NEGR1: variants seen among roughly 807,000 people sequenced by gnomAD.
The protein encoded by NEGR1 is neuronal growth regulator 1.
NEGR1 carries 10 observed loss-of-function variants against 40.9 expected under a neutral mutation model. The observed-to-expected ratio is 0.24, with a 90% CI of 0.15 to 0.42. The LOEUF is 0.42. NEGR1 is among the 10% of genes least tolerant of loss of function. The pLI, the probability that NEGR1 is intolerant of heterozygous loss-of-function variation, is 1.00. For missense variants in NEGR1, 352 were observed against 438.9 expected (o/e 0.80, Z 1.77); for synonymous variants, 185 against 166.8 (o/e 1.11, Z -0.84).
At chr1:71,701,621 A>G (rs1203693952) in intron 3 of NEGR1, among the ~76,000 whole-genome samples, 1 of 151,974 alleles carries the variant, frequency 6.6e-6, no homozygotes, top group Non-Finnish European at 1.5e-5. Context: ...GTCTTTTACC[A>G]TGTAAGGTAA....
intron 1 of NEGR1, among the ~76,000 whole-genome samples, chr1:71,971,072 A>C (rs1646252382): frequency 6.6e-6 from 1 of 152,198 alleles, no homozygotes; most frequent in South Asian, 2.1e-4. Context: ...ATTATAAGAA[A>C]AGGAAAGGGC....
chr1:72,079,847 C>A (rs1167865689), intron 1 of NEGR1, among the ~76,000 whole-genome samples: 3 of 152,026 alleles, frequency 2.0e-5, no homozygotes, highest in Non-Finnish European at 4.4e-5. Flanking sequence ...ATTTTAATTA[C>A]ATTTAATATA....
rs1054366448 is a variant in NEGR1, at chr1:72,198,104, A to G, written c.176+84215T>C. 3.3e-5 allele frequency among the ~76,000 whole-genome samples: 5 copies of G among 151,996 alleles called. No homozygotes were observed. The Admixed American group carries it at 3.3e-4, about 10-fold the overall frequency. On this transcript the variant is annotated intron_variant, in intron 1 of 6. Transcript: ENST00000357731. ...GGAGGCTGCTGGTATTTCCCCAAGT[A>G]GTTTTCTTCCTGTGGAACTGAAAAG...
At chr1:72,090,759 C>T (rs1003588734) in intron 1 of NEGR1, among the ~76,000 whole-genome samples, 9 of 152,102 alleles carry the variant, frequency 5.9e-5, no homozygotes, top group Non-Finnish European at 1.3e-4. Context: ...ATTTGGGACA[C>T]CTGCCTGCTT....
At chr1:71,813,695 A>G (rs1375664599) in intron 2 of NEGR1, among the ~76,000 whole-genome samples, 1 of 152,086 alleles carries the variant, frequency 6.6e-6, no homozygotes, top group Non-Finnish European at 1.5e-5. Context: ...CTTTGCAGCA[A>G]TTGTGAATGG....
chr1:71,978,862 A>C (rs940598946), intron 1 of NEGR1, among the ~76,000 whole-genome samples: 2 of 152,296 alleles, frequency 1.3e-5, no homozygotes, highest in African/African-American at 4.8e-5. Context: ...ACTCTGGGAT[A>C]ACCCAAAGGA....
intron 1 of NEGR1, among the ~76,000 whole-genome samples, chr1:71,993,499 C>T (rs1646474223): frequency 2.0e-5 from 3 of 152,094 alleles, no homozygotes; most frequent in Admixed American, 2.0e-4. Context: ...AATGGAAACT[C>T]TAAGGCTCAA....
At chr1:71,652,557 ATATTTAC>A (rs1358155903) in intron 4 of NEGR1, among the ~76,000 whole-genome samples, 8 of 152,118 alleles carry the variant, frequency 5.3e-5, no homozygotes, top group Non-Finnish European at 1.2e-4. Flanking sequence ...AAAGCCTAAA[ATATTTAC>A]TATTTTGCCC....
chr1:71,874,802 T>C (rs928292924), intron 2 of NEGR1, among the ~76,000 whole-genome samples: 3 of 152,204 alleles, frequency 2.0e-5, no homozygotes, highest in African/African-American at 7.2e-5. Context: ...GGATATTGAT[T>C]GCTGAGGAAA....
intron 1 of NEGR1, among the ~76,000 whole-genome samples, chr1:71,942,452 A>ATCTATATAT (rs1645968015): frequency 2.9e-5 from 1 of 34,262 alleles, no homozygotes; most frequent in Admixed American, 4.8e-4. Flanking sequence ...AAATTCTTTA[A>ATCTATATAT]ATCTATATAT....
At position 71,973,311 on chromosome 1, in the gene NEGR1, A is replaced by G. The variant is rs1327149821; in HGVS notation, c.177-38000T>C. ...AGCCTGGGCGACAGAGCGAGACTCC[A>G]ACTCAAAAGAAAAAAAAAAAAAAAA... On this transcript the variant is annotated intron_variant, in intron 1 of 6. Transcript: ENST00000357731. 2.2e-5 allele frequency among the ~76,000 whole-genome samples: 3 copies of G among 136,092 alleles called. No homozygotes were observed. In the South Asian group the frequency reaches 6.9e-4, roughly 31 times the overall value. 89.3% of individuals were successfully genotyped at this position (136,092 alleles called of 152,430 possible).
At chr1:71,716,988 T>G (rs902024250) in intron 3 of NEGR1, among the ~76,000 whole-genome samples, 8 of 152,134 alleles carry the variant, frequency 5.3e-5, no homozygotes, top group Non-Finnish European at 8.8e-5. Flanking sequence ...TCAAGAGAGA[T>G]AAATTATGGA....
intron 2 of NEGR1, among the ~76,000 whole-genome samples, chr1:71,868,700 A>G (rs534265164): frequency 6.5e-4 from 99 of 152,190 alleles, no homozygotes; most frequent in African/African-American, 2.1e-3. Flanking sequence ...TAGTGTATTG[A>G]AAGCTATATC....
intron 3 of NEGR1, among the ~76,000 whole-genome samples, chr1:71,707,496 G>A (rs1653939777): frequency 6.6e-6 from 1 of 152,114 alleles, no homozygotes; most frequent in African/African-American, 2.4e-5. Context: ...TAGAAGATCA[G>A]GTATACTTCT....
chr1:71,633,278 T>G (rs953508570), intron 4 of NEGR1, among the ~76,000 whole-genome samples: 1 of 152,066 alleles, frequency 6.6e-6, no homozygotes, highest in Non-Finnish European at 1.5e-5. Flanking sequence ...CCACAGAAAT[T>G]TTTTTGTCAT....
intron 2 of NEGR1, among the ~76,000 whole-genome samples, chr1:71,924,087 C>T (rs1461435735): frequency 2.6e-5 from 4 of 152,024 alleles, no homozygotes; most frequent in African/African-American, 9.7e-5. Flanking sequence ...AATAGGGTCT[C>T]CCCGTGTTGT....
chr1:72,068,576 G>A (rs1024659356), intron 1 of NEGR1, among the ~76,000 whole-genome samples: 2 of 152,154 alleles, frequency 1.3e-5, no homozygotes, highest in African/African-American at 4.8e-5. Flanking sequence ...TGGACAGATA[G>A]GAGAATGATG....
chr1:71,656,767 T>G (rs1427045120), intron 4 of NEGR1, among the ~76,000 whole-genome samples: 1 of 152,230 alleles, frequency 6.6e-6, no homozygotes, highest in Non-Finnish European at 1.5e-5. Flanking sequence ...AGGGGAACTC[T>G]CCTCATAAAA....
At chr1:72,003,154 C>G (rs1365863767) in intron 1 of NEGR1, among the ~76,000 whole-genome samples, 2 of 151,844 alleles carry the variant, frequency 1.3e-5, no homozygotes, top group African/African-American at 4.8e-5. Context: ...CAGGAATAAC[C>G]TAAAGTATGT....
Sources: allele counts gnomAD v4.1 joint callset (sites outside exome capture counted in the v4.1 genomes callset), GRCh38; gene constraint gnomAD v4.1.1; transcripts MANE v1.5; gene names NCBI Gene and HGNC (gene_info 2026-07-23, HGNC 2026-07-21).